Variants in NCKAP5 observed in about 807,000 individuals in gnomAD.
The protein encoded by NCKAP5 is nck-associated protein 5.
In NCKAP5, 92 loss-of-function variants were observed where a neutral mutation model predicts 167.0. That is an observed-to-expected ratio of 0.55 (90% CI 0.47 to 0.66). NCKAP5 has a LOEUF of 0.66. NCKAP5 is among the 30% of genes least tolerant of loss of function. The pLI, the probability that NCKAP5 is intolerant of heterozygous loss-of-function variation, is 0.00. For synonymous variants in NCKAP5, 891 were observed against 877.4 expected, an observed-to-expected ratio of 1.02 and a Z score of -0.27; for missense variants, 2,378 against 2,315.0, an observed-to-expected ratio of 1.03 and a Z score of -0.56.
chr2:133,300,557 A>T (rs1268003664), intron 4 of NCKAP5, among the ~76,000 whole-genome samples: 21 of 134,446 alleles, frequency 1.6e-4, no homozygotes, highest in Middle Eastern at 3.6e-3. Flanking sequence ...ATGCAGAAAA[A>T]GCCTTTGACA....
chr2:132,880,898 T>C (rs1362202902), intron 8 of NCKAP5, among the ~76,000 whole-genome samples: 2 of 152,212 alleles, frequency 1.3e-5, no homozygotes, highest in Non-Finnish European at 2.9e-5. Context: ...CTTGTAGACA[T>C]GATGCATTTT....
chr2:132,731,025 T>C (rs983822015), intron 17 of NCKAP5, among the ~76,000 whole-genome samples: 13 of 152,198 alleles, frequency 8.5e-5, no homozygotes, highest in Non-Finnish European at 1.2e-4. Flanking sequence ...CATGAAAGTG[T>C]TCGATTTAAA....
chr2:133,480,422 CT>C (rs11297578), intron 3 of NCKAP5, among the ~76,000 whole-genome samples: 53,054 of 152,040 alleles, frequency 0.35, 9,610 homozygotes, highest in Non-Finnish European at 0.4. Context: ...GTTCTCCCAG[CT>C]TTTGGTAACA....
chr2:133,574,023 T>C, the NCKAP5 span, among the ~76,000 whole-genome samples: 1 of 152,204 alleles, frequency 6.6e-6, no homozygotes, highest in African/African-American at 2.4e-5. Context: ...CAATGAATTT[T>C]GTGTGCCCCG....
chr2:132,897,658 C>T (rs980150408), intron 8 of NCKAP5, among the ~76,000 whole-genome samples: 6 of 152,052 alleles, frequency 3.9e-5, no homozygotes, highest in Non-Finnish European at 5.9e-5. Context: ...TCCAGATCAC[C>T]GCAATAAAGC....
chr2:133,583,242 T>C, the NCKAP5 span, among the ~76,000 whole-genome samples: 1 of 152,136 alleles, frequency 6.6e-6, no homozygotes, highest in Non-Finnish European at 1.5e-5. Context: ...ATCCCTCACC[T>C]CCTCATGGAC....
rs192090462 is a variant in NCKAP5, at chr2:133,142,521, C to T, written c.208-12410G>A. Among the ~76,000 whole-genome samples, 182 of 152,242 alleles carry T rather than the reference C, an allele frequency of 1.2e-3. 1 individual carries two copies. Among genetic ancestry groups the T allele is most frequent in the African/African-American group, 3.4e-3 (141 of 41,554 alleles). On this transcript the variant is annotated intron_variant, in intron 5 of 19. Coordinates refer to ENST00000409261, the MANE Select transcript of NCKAP5 (RefSeq NM_207363.3). ...TTTTTGTAATCTCCTGGTCTCTCCC[C>T]AGTTTCCACTCCTGGCAATGTTTAG...
upstream of NCKAP5, among the ~76,000 whole-genome samples, chr2:133,570,817 A>G (rs974655600): frequency 1.3e-5 from 2 of 152,180 alleles, no homozygotes; most frequent in Non-Finnish European, 2.9e-5. Context: ...GGAAATCTCC[A>G]GGGAGAGCTT....
At chr2:133,471,958 T>A (rs1205994634) in intron 3 of NCKAP5, among the ~76,000 whole-genome samples, 4 of 152,248 alleles carry the variant, frequency 2.6e-5, no homozygotes, top group Non-Finnish European at 5.9e-5. Flanking sequence ...TTTCTTTTTA[T>A]CTCAACTTAG....
chr2:133,599,846 C>T, the NCKAP5 span, among the ~76,000 whole-genome samples: 2 of 152,234 alleles, frequency 1.3e-5, no homozygotes, highest in Non-Finnish European at 2.9e-5. Context: ...AATCAGAAAT[C>T]AGGATGGGAG....
intron 4 of NCKAP5, among the ~76,000 whole-genome samples, chr2:133,214,472 A>C (rs1359253641): frequency 1.3e-5 from 2 of 152,188 alleles, no homozygotes; most frequent in African/African-American, 2.4e-5. Flanking sequence ...GGTAATATAA[A>C]ATGTAGACTT....
chr2:133,458,685 G>C (rs936625202), intron 3 of NCKAP5, among the ~76,000 whole-genome samples: 3 of 152,120 alleles, frequency 2.0e-5, no homozygotes, highest in Non-Finnish European at 4.4e-5. Flanking sequence ...TACACCTCCA[G>C]AAAAGTTATG....
At chr2:133,181,602 A>C (rs4550718) in intron 5 of NCKAP5, among the ~76,000 whole-genome samples, 4 of 106,728 alleles carry the variant, frequency 3.7e-5, no homozygotes, top group Non-Finnish European at 7.7e-5. Flanking sequence ...CCCCATCTCT[A>C]CAAAAAAAAA....
chr2:132,879,218 T>C (rs968150996), intron 8 of NCKAP5, among the ~76,000 whole-genome samples: 6 of 152,354 alleles, frequency 3.9e-5, no homozygotes, highest in Non-Finnish European at 8.8e-5. Context: ...AATGTTTATT[T>C]TATTCTGTGA....
At position 132,801,725 on chromosome 2, in the gene NCKAP5, G is replaced by T. The variant is rs1685052432; in HGVS notation, c.808-4996C>A. On this transcript the variant is annotated intron_variant, in intron 11 of 19. Coordinates refer to ENST00000409261, the MANE Select transcript of NCKAP5 (RefSeq NM_207363.3). ...ACATTGGGTCGGTAATATTTGGTGG[G>T]TTCACTTGCCTTCATTCAGTCAGTT... 2.0e-5 allele frequency among the ~76,000 whole-genome samples: 3 copies of T among 152,298 alleles called. No individual in the cohort carries two copies. In the South Asian group the frequency reaches 6.2e-4, roughly 32 times the overall value.
intron 11 of NCKAP5, among the ~76,000 whole-genome samples, chr2:132,819,397 A>C (rs1418064929): frequency 6.6e-6 from 1 of 152,190 alleles, no homozygotes. Flanking sequence ...TGCAATCTAG[A>C]CCTTAATGGC....
At chr2:132,797,371 A>G (rs750458700) in intron 11 of NCKAP5, among the ~76,000 whole-genome samples, 1 of 152,226 alleles carries the variant, frequency 6.6e-6, no homozygotes, top group Non-Finnish European at 1.5e-5. Flanking sequence ...AGGACTGCTA[A>G]GCCAGAGACA....
intron 5 of NCKAP5, among the ~76,000 whole-genome samples, chr2:133,201,765 C>A (rs1017280055): frequency 2.0e-5 from 3 of 152,024 alleles, no homozygotes; most frequent in Non-Finnish European, 4.4e-5. Context: ...TGCTTCTCCG[C>A]CTCATTTCAA....
intron 3 of NCKAP5, among the ~76,000 whole-genome samples, chr2:133,337,158 G>A (rs1211429910): frequency 6.6e-6 from 1 of 152,130 alleles, no homozygotes; most frequent in Non-Finnish European, 1.5e-5. Context: ...TATGCCAGTA[G>A]GACAATTTTA....
Sources: allele counts gnomAD v4.1 joint callset (sites outside exome capture counted in the v4.1 genomes callset), GRCh38; gene constraint gnomAD v4.1.1; transcripts MANE v1.5; gene names NCBI Gene and HGNC (gene_info 2026-07-23, HGNC 2026-07-21).